Variants in SLC25A21 observed in about 807,000 individuals in gnomAD.
SLC25A21 encodes the protein solute carrier family 25 member 21.
SLC25A21 carries 47 observed loss-of-function variants against 43.8 expected under a neutral mutation model. That is an observed-to-expected ratio of 1.07 (90% CI 0.85 to 1.37). The LOEUF is 1.37. SLC25A21 is among the 40% of genes most tolerant of loss of function. SLC25A21 has a pLI of 0.00. For missense variants in SLC25A21, 352 were observed against 350.2 expected (o/e 1.00, Z -0.04); for synonymous variants, 131 against 121.3 (o/e 1.08, Z -0.52).
chr14:36,783,264 G>T (rs1271615359), intron 3 of SLC25A21, among the ~76,000 whole-genome samples: 5 of 152,028 alleles, frequency 3.3e-5, no homozygotes, highest in South Asian at 2.1e-4. Flanking sequence ...GGGTTGGGGT[G>T]GGGAGTGAGG....
intron 3 of SLC25A21, among the ~76,000 whole-genome samples, chr14:36,754,532 A>G (rs1885850093): frequency 6.6e-6 from 1 of 152,208 alleles, no homozygotes; most frequent in Non-Finnish European, 1.5e-5. Flanking sequence ...ATGTGGAAAC[A>G]AAGATTCTTG....
At chr14:36,688,608 A>G (rs1029121290) in intron 7 of SLC25A21, among the ~76,000 whole-genome samples, 4 of 152,228 alleles carry the variant, frequency 2.6e-5, no homozygotes, top group African/African-American at 9.6e-5. Flanking sequence ...CACCTCCAGC[A>G]GCCCAGAACC....
chr14:36,988,020 A>T (rs1960182286), intron 1 of SLC25A21, among the ~76,000 whole-genome samples: 1 of 152,192 alleles, frequency 6.6e-6, no homozygotes, highest in South Asian at 2.1e-4. Context: ...TTCCAAGTAG[A>T]TAGACCTGTG....
intron 1 of SLC25A21, among the ~76,000 whole-genome samples, chr14:36,901,594 T>C (rs1418491696): frequency 6.6e-6 from 1 of 152,156 alleles, no homozygotes; most frequent in Non-Finnish European, 1.5e-5. Context: ...GTGCTTGGTT[T>C]CAAGAAAACA....
At chr14:37,040,206 AAAAAAGAAAAAG>A (rs374378504) in intron 1 of SLC25A21, among the ~76,000 whole-genome samples, 4,579 of 37,492 alleles carry the variant, frequency 0.12, 609 homozygotes, top group African/African-American at 0.24. Context: ...AGAAGAAAGA[AAAAAAGAAAAAG>A]AAAAAGAAAA....
intron 2 of SLC25A21, among the ~76,000 whole-genome samples, chr14:36,830,799 G>C (rs1889012371): frequency 6.6e-6 from 1 of 152,066 alleles, no homozygotes; most frequent in African/African-American, 2.4e-5. Context: ...GCTTGGGATA[G>C]AGAAAAGCTT....
chr14:36,764,442 C>G (rs187450911), intron 3 of SLC25A21, among the ~76,000 whole-genome samples: 143 of 150,600 alleles, frequency 9.5e-4, no homozygotes, highest in African/African-American at 3.2e-3. Flanking sequence ...CTTATATAGG[C>G]TCCATGAGAT....
chr14:37,110,401 A>G (rs531285170), intron 1 of SLC25A21, among the ~76,000 whole-genome samples: 27 of 152,234 alleles, frequency 1.8e-4, no homozygotes, highest in Non-Finnish European at 3.5e-4. Flanking sequence ...ATTCCATTCT[A>G]GAGTACTAAG....
intron 2 of SLC25A21, among the ~76,000 whole-genome samples, chr14:36,857,141 A>G (rs1394116630): frequency 6.6e-6 from 1 of 152,174 alleles, no homozygotes; most frequent in Admixed American, 6.5e-5. Context: ...AGCCTAAGAC[A>G]TGCTTTATCT....
At chr14:37,030,478 C>T (rs1412224362) in intron 1 of SLC25A21, among the ~76,000 whole-genome samples, 1 of 152,216 alleles carries the variant, frequency 6.6e-6, no homozygotes, top group Non-Finnish European at 1.5e-5. Flanking sequence ...GCCACATCTT[C>T]ATGAGTTCCA....
chr14:36,748,267 G>A (rs1234329044), intron 3 of SLC25A21, among the ~76,000 whole-genome samples: 3 of 152,146 alleles, frequency 2.0e-5, no homozygotes, highest in Admixed American at 6.5e-5. Flanking sequence ...TTGGCTGAAG[G>A]CCTCCACCTC....
rs191135978 is a variant in SLC25A21, at chr14:37,090,427, T to C, written c.70+81854A>G. 3.1e-3 allele frequency among the ~76,000 whole-genome samples: 474 copies of C among 152,330 alleles called. 2 individuals carry two copies. The highest frequency in any genetic ancestry group is 0.01 in the African/African-American group (424 of 41,580). On this transcript the variant is annotated intron_variant, in intron 1 of 9. Coordinates refer to ENST00000331299, the MANE Select transcript of SLC25A21 (RefSeq NM_030631.4). Reference sequence around the variant, plus strand: ...TTGGTGGGTCTCAACGCTGGTGATATGCTGTTGCAGCTCAAAGCTATGCTT... The same window carrying C: ...TTGGTGGGTCTCAACGCTGGTGATACGCTGTTGCAGCTCAAAGCTATGCTT...
At chr14:36,755,994 G>A (rs537488271) in intron 3 of SLC25A21, among the ~76,000 whole-genome samples, 2 of 152,196 alleles carry the variant, frequency 1.3e-5, no homozygotes, top group South Asian at 2.1e-4. Flanking sequence ...GGCAGCTATG[G>A]CTTAGGATAG....
intron 1 of SLC25A21, among the ~76,000 whole-genome samples, chr14:37,098,848 G>T (rs1272211074): frequency 6.6e-6 from 1 of 151,462 alleles, no homozygotes; most frequent in Non-Finnish European, 1.5e-5. Context: ...TGTCACTCAG[G>T]CTGGAGTGCA....
chr14:37,091,278 C>CA (rs1454183982), intron 1 of SLC25A21, among the ~76,000 whole-genome samples: 2 of 151,842 alleles, frequency 1.3e-5, no homozygotes, highest in African/African-American at 4.8e-5. Context: ...ACTAAAAATA[C>CA]AAAAAATTAG....
intron 1 of SLC25A21, among the ~76,000 whole-genome samples, chr14:37,036,005 T>C (rs1057251834): frequency 3.3e-5 from 5 of 152,224 alleles, no homozygotes; most frequent in Non-Finnish European, 7.3e-5. Flanking sequence ...TGTCCTTCTG[T>C]ATTCATTTCT....
chr14:36,851,385 G>A (rs1889730156), intron 2 of SLC25A21, among the ~76,000 whole-genome samples: 1 of 152,198 alleles, frequency 6.6e-6, no homozygotes, highest in East Asian at 1.9e-4. Flanking sequence ...TGGCTAACAA[G>A]TTGATACACA....
chr14:36,819,382 A>G (rs1888553415), intron 2 of SLC25A21, among the ~76,000 whole-genome samples: 1 of 151,534 alleles, frequency 6.6e-6, no homozygotes, highest in Non-Finnish European at 1.5e-5. Flanking sequence ...GCACTAATTG[A>G]AGCATTTTTT....
At chr14:36,756,922 A>G (rs1418541933) in intron 3 of SLC25A21, among the ~76,000 whole-genome samples, 2 of 152,148 alleles carry the variant, frequency 1.3e-5, no homozygotes, top group African/African-American at 4.8e-5. Context: ...TACTTTCTTG[A>G]TTCCAATTCT....
Sources: gnomAD v4.1 joint callset for allele counts (sites outside exome capture counted in the v4.1 genomes callset) on GRCh38, gnomAD v4.1.1 for gene constraint, MANE v1.5 for transcripts, NCBI Gene and HGNC (gene_info 2026-07-23, HGNC 2026-07-21) for gene names.